ZDHHC11B: variants seen among roughly 807,000 people sequenced by gnomAD.
ZDHHC11B encodes probable palmitoyltransferase ZDHHC11B.
ZDHHC11B carries 17 observed loss-of-function variants against 42.3 expected under a neutral mutation model. The ratio of observed to expected loss-of-function variants is 0.40; its 90% CI spans 0.27 to 0.60. The LOEUF (loss-of-function observed/expected upper bound fraction) is 0.60, where lower values mean the gene tolerates loss of function less well. ZDHHC11B is among the 20% of genes least tolerant of loss of function. ZDHHC11B has a pLI of 0.41. For synonymous variants in ZDHHC11B, 123 were observed against 193.5 expected (o/e 0.64, Z 3.02); for missense variants, 262 against 463.2 (o/e 0.57, Z 3.99).
intron 12 of ZDHHC11B, among the ~76,000 whole-genome samples, chr5:730,211 G>T (rs562236342): frequency 5.9e-5 from 9 of 151,816 alleles, no homozygotes; most frequent in Non-Finnish European, 1.3e-4. Context: ...ATTTTTGTGC[G>T]TAAGTTCAAA....
rs140099217 is a variant in ZDHHC11B at position 710,534 on chromosome 5, G to A, written c.*1756C>T. 2 of 145,816 alleles carry A rather than the reference G, an allele frequency of 1.4e-5. No homozygotes were observed. Among genetic ancestry groups the A allele is most frequent in the Non-Finnish European group, 3.0e-5 (2 of 65,754 alleles). 9.0% of individuals were successfully genotyped at this position (145,816 alleles called of 1,614,324 possible). A position where few individuals can be genotyped will look rare whatever the true frequency, so the allele number is the denominator to read the frequency against. On this transcript the variant is annotated 3_prime_UTR_variant, in exon 14 of 14. Coordinates refer to ENST00000508859, the MANE Select transcript of ZDHHC11B (RefSeq NM_001351303.2). Reference sequence around the variant, plus strand: ...CTAGACTGAAAAACTCAGAATCCAGGTCTGGGGTTTCTCAGTACTATGCTC... The same window carrying A: ...CTAGACTGAAAAACTCAGAATCCAGATCTGGGGTTTCTCAGTACTATGCTC...
At chr5:718,442 G>T (rs1252974800) in intron 12 of ZDHHC11B, among the ~76,000 whole-genome samples, 1 of 151,776 alleles carries the variant, frequency 6.6e-6, no homozygotes, top group Non-Finnish European at 1.5e-5. Flanking sequence ...GGGAGGCTGA[G>T]GTGGGTGGAT....
At chr5:783,317 G>A (rs1286458547) in intron 1 of ZDHHC11B, among the ~76,000 whole-genome samples, 1 of 152,404 alleles carries the variant, frequency 6.6e-6, no homozygotes, top group East Asian at 1.9e-4. Context: ...AGTTCAAGGC[G>A]CCGGCATCAG....
chr5:737,150 G>A (rs1392614350), intron 10 of ZDHHC11B, among the ~76,000 whole-genome samples: 3 of 149,112 alleles, frequency 2.0e-5, no homozygotes, highest in African/African-American at 5.0e-5. Context: ...GATACCACAG[G>A]AATACAAAAG....
rs754345268 is a variant in ZDHHC11B at position 766,715 on chromosome 5, T to C, written c.205A>G (p.Lys69Glu). ...AAGGATACCACATAGGCGATGTATTTCCACGAGTGAGGCAGGAGGGGAATG... is the reference window on the plus strand; with the variant it reads ...AAGGATACCACATAGGCGATGTATTCCCACGAGTGAGGCAGGAGGGGAATG... ...IFIPLLPHSW[K>E]YIAYVVTGGI... The change falls in exon 4 of 14, where the codon AAA (lysine) becomes GAA (glutamate). Residue 69 changes from lysine to glutamate, a missense_variant. By Grantham distance (56) the Lys-to-Glu change is moderately conservative. Around this residue, in one of 5 missense-constraint regions of ZDHHC11B, gnomAD observed 97 missense variants for 98.1 expected, o/e 0.99. Coordinates refer to ENST00000508859, the MANE Select transcript of ZDHHC11B (RefSeq NM_001351303.2). 4.3e-6 allele frequency: 7 copies of C among 1,610,246 alleles called. No homozygotes were observed. Among genetic ancestry groups the C allele is most frequent in the Middle Eastern group, 1.6e-4 (1 of 6,082 alleles).
At chr5:758,852 C>T (rs1734203185) in intron 4 of ZDHHC11B, among the ~76,000 whole-genome samples, 1 of 151,936 alleles carries the variant, frequency 6.6e-6, no homozygotes, top group Admixed American at 6.6e-5. Flanking sequence ...CTTGGGTCGT[C>T]CTCCTGGGAC....
intron 12 of ZDHHC11B, among the ~76,000 whole-genome samples, chr5:726,002 C>T (rs1394590972): frequency 5.4e-5 from 8 of 148,096 alleles, no homozygotes; most frequent in Admixed American, 6.8e-5. Context: ...GGTCTTCACA[C>T]GCGAAATCCT....
In ZDHHC11B at chr5:784,720, G is replaced by A. The variant is rs575096747; in HGVS notation, c.-282C>T. 6.0e-4 allele frequency among the ~76,000 whole-genome samples: 89 copies of A among 148,756 alleles called. 1 individual carries two copies. The highest frequency in any genetic ancestry group is 2.1e-3 in the African/African-American group (84 of 40,230). ...GCTCCCCCGCGACCCGGCCGCGCGC[G>A]ACCAAGTGCTCAGCGCAGCGCTCCC... On this transcript the variant is annotated 5_prime_UTR_variant, in exon 1 of 14. Coordinates refer to ENST00000508859, the MANE Select transcript of ZDHHC11B (RefSeq NM_001351303.2).
chr5:764,466 G>A (rs377521816), intron 4 of ZDHHC11B, among the ~76,000 whole-genome samples: 6 of 152,048 alleles, frequency 3.9e-5, no homozygotes, highest in African/African-American at 1.2e-4. Context: ...GCAGCCGGCC[G>A]GCACTGCCGG....
intron 1 of ZDHHC11B, among the ~76,000 whole-genome samples, chr5:775,623 G>A (rs1561202659): frequency 6.6e-6 from 1 of 151,556 alleles, no homozygotes; most frequent in Non-Finnish European, 1.5e-5. Context: ...AGAACTCCCT[G>A]TTCAGGGATG....
Position 745,198 on chromosome 5 carries a change from G to C in ZDHHC11B, c.885C>G (p.Asp295Glu). ...CAGGTGGTACCTGGAGAAATCCTTT[G>C]TCCATTTGCACGTATGGATCTTTCC... is the stretch of plus-strand genomic sequence containing the variant. ...AVRKDPYVQM[D>E]KGFLQQGAGA... Residue 295 changes from aspartate (D) to glutamate (E), a missense_variant, in exon 9 of 14, where the codon GAC becomes GAG. Coordinates refer to ENST00000508859, the MANE Select transcript of ZDHHC11B (RefSeq NM_001351303.2). 6.5e-7 allele frequency: 1 copy of C among 1,540,692 alleles called. No homozygotes were observed. The highest frequency in any genetic ancestry group is 8.9e-7 in the Non-Finnish European group (1 of 1,121,804).
At chr5:751,436 G>GC (rs1745688567) in intron 6 of ZDHHC11B, among the ~76,000 whole-genome samples, 179 bp from the exon 7 acceptor site, 1 of 32,470 alleles carries the variant, frequency 3.1e-5, no homozygotes, top group African/African-American at 7.4e-5. Flanking sequence ...GGGGCGGGGA[G>GC]GCAGGGGCAG....
chr5:722,612 T>C (rs1345952480), intron 12 of ZDHHC11B, among the ~76,000 whole-genome samples: 1 of 151,700 alleles, frequency 6.6e-6, no homozygotes, highest in African/African-American at 2.4e-5. Context: ...AACAGTGGCC[T>C]TATCTCTGAG....
chr5:766,776 G>C lies in ZDHHC11B; in HGVS notation c.144C>G (p.Val48=). 1.9e-6 allele frequency: 3 copies of C among 1,612,640 alleles called. No individual in the cohort carries two copies. Among genetic ancestry groups the C allele is most frequent in the Non-Finnish European group, 2.5e-6 (3 of 1,179,232 alleles). ...LHYFRVVTWA[V]FVGLSLATFR... ...AGGTGGCCAAGGAAAGGCCAACGAAGACAGCCCAAGTCACCACCCGGAAGT... is the reference window on the plus strand; with the variant it reads ...AGGTGGCCAAGGAAAGGCCAACGAACACAGCCCAAGTCACCACCCGGAAGT... Residue 48 remains valine (V), a synonymous_variant, in exon 4 of 14, where the codon GTC becomes GTG. Coordinates refer to ENST00000508859, the MANE Select transcript of ZDHHC11B (RefSeq NM_001351303.2).
At chr5:763,373 G>GAAA (rs398108502) in intron 4 of ZDHHC11B, among the ~76,000 whole-genome samples, 2 of 128,534 alleles carry the variant, frequency 1.6e-5, no homozygotes, top group African/African-American at 5.7e-5. Context: ...CCCATCTCGG[G>GAAA]AAAAAAAAAA....
At chr5:731,020 C>G (rs1361543858) in intron 11 of ZDHHC11B, among the ~76,000 whole-genome samples, 3 of 151,936 alleles carry the variant, frequency 2.0e-5, no homozygotes, top group African/African-American at 7.3e-5. Flanking sequence ...TGTGGAAGCT[C>G]TAGCAAAGAA....
At chr5:751,330 G>A (rs1282344207) in intron 6 of ZDHHC11B, 73 bp from the exon 7 acceptor site, 1 of 165,626 alleles carries the variant, frequency 6.0e-6, no homozygotes, top group African/African-American at 3.5e-5. Flanking sequence ...CAGGTGTGGG[G>A]GGCACGGGGG....
intron 9 of ZDHHC11B, among the ~76,000 whole-genome samples, chr5:742,365 G>A (rs1744257512): frequency 6.8e-6 from 1 of 146,310 alleles, no homozygotes; most frequent in African/African-American, 2.5e-5. Context: ...CACTTTGAAA[G>A]CTCTTTGTGT....
At chr5:713,030 G>A (rs1741486475) in intron 13 of ZDHHC11B, among the ~76,000 whole-genome samples, 2 of 150,826 alleles carry the variant, frequency 1.3e-5, no homozygotes, top group East Asian at 1.9e-4. Flanking sequence ...TTATGAATCT[G>A]TGAGTTGGTG....
Sources: allele counts gnomAD v4.1 joint callset (sites outside exome capture counted in the v4.1 genomes callset), GRCh38; gene constraint gnomAD v4.1.1; regional missense constraint gnomAD v4.1.1; transcripts MANE v1.5; gene names NCBI Gene and HGNC (gene_info 2026-07-23, HGNC 2026-07-21).